The following MYO16 variants were observed in gnomAD, a reference collection of about 807,000 sequenced individuals.
MYO16 encodes myosin XVI, also known as unconventional myosin-XVI.
Under a neutral mutation model 205.3 loss-of-function variants are expected in MYO16, and 94 were observed. The observed-to-expected ratio is 0.46, with a 90% CI of 0.39 to 0.54. The LOEUF (loss-of-function observed/expected upper bound fraction) is 0.54, where lower values mean the gene tolerates loss of function less well. Ranked by LOEUF, MYO16 falls within the 20% of genes least tolerant of loss-of-function variation. The pLI, the probability that MYO16 is intolerant of heterozygous loss-of-function variation, is 0.00. For missense variants in MYO16, 2,315 were observed against 2,387.5 expected, an observed-to-expected ratio of 0.97 and a Z score of 0.63; for synonymous variants, 988 against 954.0, an observed-to-expected ratio of 1.04 and a Z score of -0.66.
rs149386435 is a variant in MYO16, at chr13:108,712,689, C to T, written c.321C>T (p.Asp107=). Residue 107 remains aspartate (D), a synonymous_variant, in exon 3 of 35, where the codon GAC becomes GAT. Coordinates refer to ENST00000457511, the MANE Select transcript of MYO16 (RefSeq NM_001198950.3). ...EVLRLLKEGA[D]PHTLVSSGGS... ...TTCGGCTCCTGAAGGAGGGGGCAGACCCCCACACCCTCGTCTCCTCGGGAG... is the reference window on the plus strand; with the variant it reads ...TTCGGCTCCTGAAGGAGGGGGCAGATCCCCACACCCTCGTCTCCTCGGGAG... 1.9e-6 allele frequency: 3 copies of T among 1,614,130 alleles called. No individual in the cohort carries two copies. Among genetic ancestry groups the T allele is most frequent in the African/African-American group, 1.3e-5 (1 of 75,064 alleles).
chr13:108,739,237 T>C, intron 4 of MYO16, among the ~76,000 whole-genome samples: 1 of 152,210 alleles, frequency 6.6e-6, no homozygotes, highest in East Asian at 1.9e-4. Context: ...GCATCGATGG[T>C]CTTTACATTT....
At chr13:108,808,812 T>C (rs1388338388) in intron 7 of MYO16, among the ~76,000 whole-genome samples, 1 of 152,154 alleles carries the variant, frequency 6.6e-6, no homozygotes, top group Non-Finnish European at 1.5e-5. Context: ...CCTTTAATGA[T>C]TAACATATAT....
In MYO16 at chr13:109,137,842, A is replaced by G. The variant is rs1876853938; in HGVS notation, c.4052-2422A>G. 2.0e-5 allele frequency among the ~76,000 whole-genome samples: 3 copies of G among 152,160 alleles called. No individual in the cohort carries two copies. In the South Asian group the frequency reaches 6.2e-4, roughly 32 times the overall value. ...AGAGCTTTGCCCAGGAGCTCTTCTC[A>G]AATTACAACCCTGCCCTACCAAGCC... On this transcript the variant is annotated intron_variant, in intron 31 of 34. Transcript: ENST00000457511.
chr13:109,105,445 C>G (rs1889096827), intron 28 of MYO16, among the ~76,000 whole-genome samples: 1 of 152,174 alleles, frequency 6.6e-6, no homozygotes, highest in African/African-American at 2.4e-5. Flanking sequence ...GCACTCCAGC[C>G]TGGACAACAA....
chr13:108,759,906 T>G (rs1286484749), intron 4 of MYO16, among the ~76,000 whole-genome samples: 1 of 152,140 alleles, frequency 6.6e-6, no homozygotes, highest in African/African-American at 2.4e-5. Context: ...GGAAATAATT[T>G]GGTAGACAAA....
Position 108,904,212 on chromosome 13 carries a change from T to C in MYO16, c.1778-5791T>C, listed in dbSNP as rs536229292. On this transcript the variant is annotated intron_variant, in intron 15 of 34. Coordinates refer to ENST00000457511, the MANE Select transcript of MYO16 (RefSeq NM_001198950.3). Reference sequence around the variant, plus strand: ...ATGTAATTTATAAATAGCATTCTAGTCTGGCTTCTAGTCCAGTATTTTCCC... The same window carrying C: ...ATGTAATTTATAAATAGCATTCTAGCCTGGCTTCTAGTCCAGTATTTTCCC... 3.0e-4 allele frequency among the ~76,000 whole-genome samples: 46 copies of C among 152,308 alleles called. No homozygotes were observed. The East Asian group carries it at 8.3e-3, about 27-fold the overall frequency.
At chr13:108,664,685 A>G (rs1244826002) in intron 1 of MYO16, among the ~76,000 whole-genome samples, 1 of 152,234 alleles carries the variant, frequency 6.6e-6, no homozygotes, top group Non-Finnish European at 1.5e-5. Context: ...GCTTAAGAAT[A>G]TATAAACACA....
chr13:109,157,346 T>A (rs1594139042), intron 32 of MYO16, among the ~76,000 whole-genome samples: 1 of 150,330 alleles, frequency 6.7e-6, no homozygotes, highest in East Asian at 2.0e-4. Flanking sequence ...ACTCCAAAGC[T>A]CTCTGCTCCC....
At chr13:109,006,647 A>G (rs1269498237) in intron 21 of MYO16, among the ~76,000 whole-genome samples, 1 of 152,190 alleles carries the variant, frequency 6.6e-6, no homozygotes, top group Non-Finnish European at 1.5e-5. Flanking sequence ...GATGAGATCT[A>G]ATTTTCTTTC....
chr13:108,571,900 CGTT>C, the MYO16 span, among the ~76,000 whole-genome samples: 1 of 150,766 alleles, frequency 6.6e-6, no homozygotes, highest in Non-Finnish European at 1.5e-5. Flanking sequence ...CATCAAGTTT[CGTT>C]GTTGTTTTTT....
rs559333899 is a variant in MYO16, at chr13:109,142,901, C to A, written c.5164+1525C>A. Among the ~76,000 whole-genome samples the A allele has an allele frequency of 5.1e-4, 78 of 152,238 alleles. 2 individuals carry two copies. Among genetic ancestry groups the A allele is most frequent in the African/African-American group, 1.8e-3 (76 of 41,488 alleles). ...TTGTCGTTAAATCCCTGCTTTCATT[C>A]TTTCGTTGCTTCATTCTTTCTTTAC... On this transcript the variant is annotated intron_variant, in intron 32 of 34. Transcript: ENST00000457511.
chr13:109,048,240 T>G, intron 24 of MYO16: 1 of 613,448 alleles, frequency 1.6e-6, no homozygotes, highest in East Asian at 2.8e-5. Context: ...CTGCTTATCT[T>G]AATAGAGTCC....
At chr13:108,651,412 C>A (rs958201859) in intron 1 of MYO16, among the ~76,000 whole-genome samples, 3 of 152,204 alleles carry the variant, frequency 2.0e-5, no homozygotes, top group African/African-American at 7.2e-5. Flanking sequence ...TCTATATCCA[C>A]TGAAAGCTTT....
chr13:108,793,195 A>C (rs1355041747), intron 5 of MYO16, among the ~76,000 whole-genome samples: 2 of 151,804 alleles, frequency 1.3e-5, no homozygotes, highest in Non-Finnish European at 2.9e-5. Context: ...CTGAGGCAGG[A>C]GAATGGCGTG....
intron 2 of MYO16, among the ~76,000 whole-genome samples, chr13:108,708,325 A>G (rs1013382793): frequency 6.6e-6 from 1 of 152,218 alleles, no homozygotes; most frequent in Non-Finnish European, 1.5e-5. Context: ...AAGGACTATC[A>G]ACTGTATGGA....
At position 108,899,888 on chromosome 13, in the gene MYO16, A is replaced by G. The variant is rs139288441; in HGVS notation, c.1777+1755A>G. 5.3e-5 allele frequency among the ~76,000 whole-genome samples: 8 copies of G among 152,334 alleles called. No homozygotes were observed. The East Asian group carries it at 1.4e-3, about 26-fold the overall frequency. ...TGTTATAGATGCAGAATCTGAGGCC[A>G]TACTCCAGACTGGCTGATGGAGACT... On this transcript the variant is annotated intron_variant, in intron 15 of 34. Coordinates refer to ENST00000457511, the MANE Select transcript of MYO16 (RefSeq NM_001198950.3).
At chr13:108,696,994 T>A (rs1446203017) in intron 2 of MYO16, among the ~76,000 whole-genome samples, 2 of 136,196 alleles carry the variant, frequency 1.5e-5, no homozygotes, top group African/African-American at 5.2e-5. Flanking sequence ...AAAAAAAAAA[T>A]ACCCTGCCCT....
chr13:108,599,969 A>G (rs1025997248), intron 1 of MYO16, among the ~76,000 whole-genome samples: 1 of 152,208 alleles, frequency 6.6e-6, no homozygotes, highest in African/African-American at 2.4e-5. Flanking sequence ...TTCCACGTCC[A>G]GTAATTTGGC....
chr13:109,102,371 A>C (rs1484376008), intron 28 of MYO16, among the ~76,000 whole-genome samples: 1 of 152,178 alleles, frequency 6.6e-6, no homozygotes, highest in Non-Finnish European at 1.5e-5. Context: ...TTGAATAAGT[A>C]ATTATATAGT....
Sources: gnomAD v4.1 joint callset for allele counts (sites outside exome capture counted in the v4.1 genomes callset) on GRCh38, gnomAD v4.1.1 for gene constraint, MANE v1.5 for transcripts, NCBI Gene and HGNC (gene_info 2026-07-23, HGNC 2026-07-21) for gene names.